MB21D2: variants seen among roughly 807,000 people sequenced by gnomAD.
The protein encoded by MB21D2 is Mab-21 domain containing 2, also known as nucleotidyltransferase MB21D2.
In MB21D2, 9 loss-of-function variants were observed where a neutral mutation model predicts 33.3. That is an observed-to-expected ratio of 0.27 (90% CI 0.16 to 0.47). The LOEUF is 0.47. Ranked by LOEUF, MB21D2 falls within the 20% of genes least tolerant of loss-of-function variation. The pLI, the probability that MB21D2 is intolerant of heterozygous loss-of-function variation, is 0.99. For missense variants in MB21D2, 540 were observed against 624.6 expected (o/e 0.86, Z 1.44); for synonymous variants, 241 against 236.3 (o/e 1.02, Z -0.18).
chr3:192,801,651 C>T (rs1320905679), intron 1 of MB21D2, among the ~76,000 whole-genome samples: 2 of 152,148 alleles, frequency 1.3e-5, no homozygotes, highest in African/African-American at 4.8e-5. Flanking sequence ...CATCTATGAA[C>T]CAGGAAGCTG....
chr3:192,817,993 A>C (rs1315125614), intron 1 of MB21D2, among the ~76,000 whole-genome samples: 1 of 146,906 alleles, frequency 6.8e-6, no homozygotes, highest in African/African-American at 2.5e-5. Context: ...AAATATGTCC[A>C]GTGTTTTCCA....
chr3:192,858,171 CT>C (rs1175558315), intron 1 of MB21D2, among the ~76,000 whole-genome samples: 1 of 152,026 alleles, frequency 6.6e-6, no homozygotes, highest in Non-Finnish European at 1.5e-5. Flanking sequence ...CCTTGGAAAC[CT>C]GTAAATTCAC....
chr3:192,849,846 T>G (rs1436073150), intron 1 of MB21D2, among the ~76,000 whole-genome samples: 3 of 152,104 alleles, frequency 2.0e-5, no homozygotes, highest in Non-Finnish European at 4.4e-5. Context: ...GAACAACTCC[T>G]GGCACAGAAG....
chr3:192,837,017 A>G lies in MB21D2; in HGVS notation c.212-37367T>C, dbSNP rs372330268. 6.7e-4 allele frequency among the ~76,000 whole-genome samples: 102 copies of G among 152,284 alleles called. 3 individuals carry two copies. The South Asian group carries it at 0.021, about 31-fold the overall frequency. On this transcript the variant is annotated intron_variant, in intron 1 of 1. Coordinates refer to ENST00000392452, the MANE Select transcript of MB21D2 (RefSeq NM_178496.4). The stretch of plus-strand genomic sequence containing the variant: ...TAGACATCCAAACGGCATACATCAA[A>G]GACCATACCCAGGGTATGGCCATAA...
At chr3:192,888,971 T>C (rs548605739) in intron 1 of MB21D2, among the ~76,000 whole-genome samples, 5 of 151,928 alleles carry the variant, frequency 3.3e-5, no homozygotes, top group Non-Finnish European at 7.4e-5. Flanking sequence ...GACTCTATCA[T>C]CTCTACCAGC....
At chr3:192,846,344 C>G (rs1305335951) in intron 1 of MB21D2, among the ~76,000 whole-genome samples, 1 of 152,102 alleles carries the variant, frequency 6.6e-6, no homozygotes, top group Non-Finnish European at 1.5e-5. Flanking sequence ...TTACTATAGG[C>G]CAGGCTTGGA....
chr3:192,916,098 T>TTATATA (rs55749042), intron 1 of MB21D2, among the ~76,000 whole-genome samples: 10,844 of 139,004 alleles, frequency 0.078, 505 homozygotes, highest in Middle Eastern at 0.1. Flanking sequence ...CTACCAGGTT[T>TTATATA]TATATATATA....
Position 192,799,606 on chromosome 3 carries a change from A to C in MB21D2, c.256T>G (p.Tyr86Asp). Residue 86 changes from tyrosine (Y) to aspartate (D), a missense_variant, in exon 2 of 2, where the codon TAC becomes GAC. Tyr to Asp is a radical substitution (Grantham distance 160). Transcript: ENST00000392452. The surrounding 1 kb of genome is among the most constrained non-coding windows in gnomAD (Gnocchi z 4.1). ...LDQKLPVANE[Y>D]LLLSGGVREG... is the part of the protein sequence containing the mutation. Reference sequence around the variant, plus strand: ...CGGACACCTCCAGAGAGCAACAGGTATTCATTAGCCACTGGAAGCTTTTGG... The same window carrying C: ...CGGACACCTCCAGAGAGCAACAGGTCTTCATTAGCCACTGGAAGCTTTTGG... 1 of 1,614,130 alleles carries C rather than the reference A, an allele frequency of 6.2e-7. No individual in the cohort carries two copies. The highest frequency in any genetic ancestry group is 8.5e-7 in the Non-Finnish European group (1 of 1,180,000).
At chr3:192,867,347 G>C (rs1251835671) in intron 1 of MB21D2, among the ~76,000 whole-genome samples, 1 of 152,128 alleles carries the variant, frequency 6.6e-6, no homozygotes. Flanking sequence ...CTGATACAAA[G>C]CAGCTCCCTC....
Position 192,799,362 on chromosome 3 carries a change from A to G in MB21D2, c.500T>C (p.Ile167Thr), listed in dbSNP as rs1161713883. 3.1e-6 allele frequency: 5 copies of G among 1,614,260 alleles called. No individual in the cohort carries two copies. Among genetic ancestry groups the G allele is most frequent in the Non-Finnish European group, 4.2e-6 (5 of 1,180,050 alleles). Residue 167 changes from isoleucine (I) to threonine (T), a missense_variant, in exon 2 of 2, where the codon ATT (isoleucine) becomes ACT (threonine). Coordinates refer to ENST00000392452, the MANE Select transcript of MB21D2 (RefSeq NM_178496.4). The surrounding 1 kb of genome is among the most constrained non-coding windows in gnomAD (Gnocchi z 4.1). ...GGTGGCACCATTGATGTGATCTACA[A>G]TGGTGCAGCAGTCTTTCCATTTACT... is the stretch of plus-strand genomic sequence containing the variant. ...TISKWKDCCT[I>T]VDHINGATNY...
intron 1 of MB21D2, among the ~76,000 whole-genome samples, chr3:192,844,925 C>G (rs1240435323): frequency 6.6e-6 from 1 of 152,194 alleles, no homozygotes; most frequent in African/African-American, 2.4e-5. Context: ...TTGGCAGCCT[C>G]TTTCTCTTTT....
chr3:192,911,045 T>C (rs962390413), intron 1 of MB21D2, among the ~76,000 whole-genome samples: 6 of 152,204 alleles, frequency 3.9e-5, no homozygotes, highest in Admixed American at 3.9e-4. Context: ...TTGCCCAACG[T>C]CACACAGCAA....
intron 1 of MB21D2, among the ~76,000 whole-genome samples, chr3:192,904,156 T>C (rs978053880): frequency 7.2e-5 from 11 of 152,210 alleles, no homozygotes; most frequent in African/African-American, 2.7e-4. Flanking sequence ...AGTGTGGTTA[T>C]TATTATTTTC....
chr3:192,866,185 C>G (rs1013381643), intron 1 of MB21D2, among the ~76,000 whole-genome samples: 1 of 152,126 alleles, frequency 6.6e-6, no homozygotes, highest in Non-Finnish European at 1.5e-5. Context: ...TTATTTCAAG[C>G]TAATTGTTCA....
At chr3:192,832,248 T>C (rs947153768) in intron 1 of MB21D2, among the ~76,000 whole-genome samples, 1 of 152,198 alleles carries the variant, frequency 6.6e-6, no homozygotes, top group African/African-American at 2.4e-5. Context: ...CAAGATAATA[T>C]TGACACACTT....
At chr3:192,817,203 T>G (rs1250994720) in intron 1 of MB21D2, among the ~76,000 whole-genome samples, 1 of 152,232 alleles carries the variant, frequency 6.6e-6, no homozygotes, top group East Asian at 1.9e-4. Flanking sequence ...AGCACAGACG[T>G]GACCCTGGAG....
At chr3:192,890,862 C>A (rs906753983) in intron 1 of MB21D2, among the ~76,000 whole-genome samples, 1 of 151,944 alleles carries the variant, frequency 6.6e-6, no homozygotes, top group African/African-American at 2.4e-5. Context: ...ACTAGGTCCA[C>A]GCAGAGACAT....
chr3:192,887,707 C>G (rs576756962), intron 1 of MB21D2, among the ~76,000 whole-genome samples: 3 of 152,100 alleles, frequency 2.0e-5, no homozygotes, highest in South Asian at 2.1e-4. Flanking sequence ...TATTTTTTCC[C>G]TTTACTAACA....
In MB21D2 at chr3:192,906,141, A is replaced by T. The variant is rs576640250; in HGVS notation, c.211+11489T>A. Among the ~76,000 whole-genome samples, 10 of 152,324 alleles carry T rather than the reference A, an allele frequency of 6.6e-5. No individual in the cohort carries two copies. In the South Asian group the frequency reaches 2.1e-3, roughly 32 times the overall value. On this transcript the variant is annotated intron_variant, in intron 1 of 1. Coordinates refer to ENST00000392452, the MANE Select transcript of MB21D2 (RefSeq NM_178496.4). ...ATGAAAGCTGCAGTTTGAACCATAA[A>T]TCATAAAATGTAGAAGTCACTGTTT...
Sources: gnomAD v4.1 joint callset for allele counts (sites outside exome capture counted in the v4.1 genomes callset) on GRCh38, gnomAD v4.1.1 for gene constraint, Gnocchi (gnomAD v3.1) non-coding constraint, MANE v1.5 for transcripts, NCBI Gene and HGNC (gene_info 2026-07-23, HGNC 2026-07-21) for gene names.